SEMA3E: variants seen among roughly 807,000 people sequenced by gnomAD.
SEMA3E encodes semaphorin 3E, also known as semaphorin-3E.
SEMA3E carries 49 observed loss-of-function variants against 93.6 expected under a neutral mutation model. The observed-to-expected ratio is 0.52, with a 90% confidence interval of 0.42 to 0.66. SEMA3E has a LOEUF of 0.66. Among genes scored for constraint, SEMA3E ranks in the 30% least tolerant of loss-of-function variants. The pLI, the probability that SEMA3E is intolerant of heterozygous loss-of-function variation, is 0.00. For synonymous variants in SEMA3E, 363 were observed against 330.7 expected (o/e 1.10, Z -1.06); for missense variants, 906 against 964.8 (o/e 0.94, Z 0.81).
chr7:83,441,010 GT>G (rs1304583563), intron 4 of SEMA3E, among the ~76,000 whole-genome samples: 1 of 152,122 alleles, frequency 6.6e-6, no homozygotes, highest in South Asian at 2.1e-4. Context: ...GGTAAACCTG[GT>G]TGTTTTGAAG....
At chr7:83,560,957 TA>T (rs1417192228) in intron 1 of SEMA3E, among the ~76,000 whole-genome samples, 2 of 152,116 alleles carry the variant, frequency 1.3e-5, no homozygotes, top group African/African-American at 4.8e-5. Flanking sequence ...AAGCATAGTT[TA>T]AAAAAATCAT....
chr7:83,368,087 T>C, intron 16 of SEMA3E, 49 bp from the exon 17 acceptor site: 1 of 1,520,564 alleles, frequency 6.6e-7, no homozygotes, highest in Non-Finnish European at 9.1e-7. Context: ...GGAGAGAAAA[T>C]AACAATCCAT....
chr7:83,477,917 T>C (rs1175108778), intron 2 of SEMA3E, among the ~76,000 whole-genome samples: 1 of 123,320 alleles, frequency 8.1e-6, no homozygotes, highest in African/African-American at 3.3e-5. Context: ...TTAAGTAATG[T>C]AATTTTGGCT....
At chr7:83,619,024 A>G (rs572546971) in intron 1 of SEMA3E, among the ~76,000 whole-genome samples, 1 of 152,008 alleles carries the variant, frequency 6.6e-6, no homozygotes, top group Admixed American at 6.6e-5. Flanking sequence ...TCTGATGGAT[A>G]TTAGAAAACT....
At chr7:83,628,083 T>G (rs1026416318) in intron 1 of SEMA3E, among the ~76,000 whole-genome samples, 13 of 152,126 alleles carry the variant, frequency 8.5e-5, no homozygotes, top group African/African-American at 3.1e-4. Flanking sequence ...TGAAGCTTAG[T>G]TTGGCTGGAT....
At chr7:83,416,839 T>G (rs1032898414) in intron 5 of SEMA3E, among the ~76,000 whole-genome samples, 1 of 151,968 alleles carries the variant, frequency 6.6e-6, no homozygotes, top group Admixed American at 6.6e-5. Context: ...GTATATTCTG[T>G]CAGTTGCATT....
At chr7:83,604,097 T>G (rs2115992878) in intron 1 of SEMA3E, among the ~76,000 whole-genome samples, 1 of 150,502 alleles carries the variant, frequency 6.6e-6, no homozygotes, top group East Asian at 2.0e-4. Context: ...TCTGGAAAGC[T>G]AAAACTTCTA....
intron 1 of SEMA3E, among the ~76,000 whole-genome samples, chr7:83,604,453 A>T (rs1371215425): frequency 6.7e-6 from 1 of 150,146 alleles, no homozygotes; most frequent in Non-Finnish European, 1.5e-5. Context: ...ATATATCTTG[A>T]AATTTTAAAA....
chr7:83,638,012 T>C (rs2115697635), intron 1 of SEMA3E, among the ~76,000 whole-genome samples: 1 of 152,252 alleles, frequency 6.6e-6, no homozygotes, highest in Middle Eastern at 3.4e-3. Flanking sequence ...TTTAAAGCAA[T>C]AAACTTTGTT....
chr7:83,386,597 A>T (rs1457762791), intron 15 of SEMA3E, among the ~76,000 whole-genome samples: 1 of 152,142 alleles, frequency 6.6e-6, no homozygotes, highest in Non-Finnish European at 1.5e-5. Flanking sequence ...ATGACTTGAT[A>T]GAAGTAATAC....
At chr7:83,460,801 C>G (rs878864587) in intron 4 of SEMA3E, among the ~76,000 whole-genome samples, 1 of 151,392 alleles carries the variant, frequency 6.6e-6, no homozygotes, top group African/African-American at 2.4e-5. Context: ...TTTCCGCACC[C>G]CGACCTCTTA....
rs1788212481 is a variant in SEMA3E, at chr7:83,400,265, G to C, written c.1144-15C>G. 1 of 1,609,332 alleles carries C rather than the reference G, an allele frequency of 6.2e-7. No homozygotes were observed. The highest frequency in any genetic ancestry group is 8.5e-7 in the Non-Finnish European group (1 of 1,175,990). ...TTGCTGGCACACTGAAAAACAAGTG[G>C]ATCAGATAATTCTTTTTGCTTTACA... is the stretch of plus-strand genomic sequence containing the variant. On this transcript the variant is annotated splice_polypyrimidine_tract_variant and intron_variant, in intron 10 of 16. Coordinates refer to ENST00000643230, the MANE Select transcript of SEMA3E (RefSeq NM_012431.3).
At chr7:83,426,924 T>C (rs1010361136) in intron 4 of SEMA3E, among the ~76,000 whole-genome samples, 5 of 152,144 alleles carry the variant, frequency 3.3e-5, no homozygotes, top group Non-Finnish European at 7.4e-5. Flanking sequence ...AAATACATTA[T>C]TGTATTAATC....
chr7:83,546,779 T>G (rs554985940), intron 1 of SEMA3E, among the ~76,000 whole-genome samples: 1 of 152,188 alleles, frequency 6.6e-6, no homozygotes, highest in East Asian at 1.9e-4. Context: ...CAGTGCACGT[T>G]CAAGTTATGA....
intron 2 of SEMA3E, among the ~76,000 whole-genome samples, chr7:83,482,628 G>C (rs1057356513): frequency 2.0e-5 from 3 of 150,880 alleles, no homozygotes; most frequent in Non-Finnish European, 2.9e-5. Context: ...AGATTTACTG[G>C]TGGAAGATGT....
chr7:83,599,968 C>T (rs215323), intron 1 of SEMA3E, among the ~76,000 whole-genome samples: 79,551 of 152,060 alleles, frequency 0.52, 21,331 homozygotes, highest in Middle Eastern at 0.68. Flanking sequence ...TTAAAAGTAA[C>T]AGATTTGTAA....
chr7:83,560,124 A>G (rs910194069), intron 1 of SEMA3E, among the ~76,000 whole-genome samples: 8 of 152,076 alleles, frequency 5.3e-5, no homozygotes, highest in African/African-American at 1.4e-4. Context: ...AATACTCTAT[A>G]TGACACTAAC....
At chr7:83,472,488 C>T (rs1387099302) in intron 2 of SEMA3E, among the ~76,000 whole-genome samples, 4 of 152,140 alleles carry the variant, frequency 2.6e-5, no homozygotes, top group South Asian at 4.1e-4. Context: ...AAGTCTCCTA[C>T]TTAATATTGT....
At chr7:83,379,569 A>C (rs1241036205) in intron 16 of SEMA3E, among the ~76,000 whole-genome samples, 2 of 151,716 alleles carry the variant, frequency 1.3e-5, no homozygotes, top group African/African-American at 2.4e-5. Flanking sequence ...TTTTCCTTAA[A>C]TATGTGTTTT....
Sources: gnomAD v4.1 joint callset for allele counts (sites outside exome capture counted in the v4.1 genomes callset) on GRCh38, gnomAD v4.1.1 for gene constraint, MANE v1.5 for transcripts, NCBI Gene and HGNC (gene_info 2026-07-23, HGNC 2026-07-21) for gene names.